BPTF: variants seen among roughly 807,000 people sequenced by gnomAD.
The protein encoded by BPTF is bromodomain PHD finger transcription factor.
BPTF carries 18 observed loss-of-function variants against 292.5 expected under a neutral mutation model. The observed-to-expected ratio is 0.06, with a 90% CI of 0.04 to 0.09. The LOEUF (loss-of-function observed/expected upper bound fraction) is 0.09, where lower values mean the gene tolerates loss of function less well. Among genes scored for constraint, BPTF ranks in the 10% least tolerant of loss-of-function variants. The pLI is 1.00. For missense variants in BPTF, 2,726 were observed against 3,498.7 expected, an observed-to-expected ratio of 0.78 and a Z score of 5.57; for synonymous variants, 1,225 against 1,251.9, an observed-to-expected ratio of 0.98 and a Z score of 0.45.
At chr17:67,880,645 G>T (rs937800587) in intron 4 of BPTF, among the ~76,000 whole-genome samples, 22 of 151,728 alleles carry the variant, frequency 1.4e-4, no homozygotes, top group African/African-American at 4.4e-4. Flanking sequence ...TTGGTTTTTT[G>T]TGTGTGTGTA....
chr17:67,827,068 T>G (rs2056140031), intron 1 of BPTF, among the ~76,000 whole-genome samples: 1 of 152,232 alleles, frequency 6.6e-6, no homozygotes, highest in Non-Finnish European at 1.5e-5. Context: ...GATTCAGAAT[T>G]ATTTTGGTTA....
rs561379442 is a variant in BPTF, at chr17:67,912,699, A to G, written c.4815A>G (p.Val1605=). 1.1e-4 allele frequency: 181 copies of G among 1,614,088 alleles called. 1 individual carries two copies. The Middle Eastern group carries it at 2.6e-3, about 24-fold the overall frequency. ...CAGAATCAAAAACTGTGATCAAGGT[A>G]GAAAAAGGCGATAAGCAAACTGTGG... is the stretch of plus-strand genomic sequence containing the variant. The part of the protein sequence containing the change: ...VATESKTVIK[V]EKGDKQTVVS... Residue 1605 remains valine, a synonymous_variant, in exon 11 of 28, where the codon GTA becomes GTG. Transcript: ENST00000306378.
At chr17:67,828,394 T>C (rs1270031223) in intron 1 of BPTF, among the ~76,000 whole-genome samples, 1 of 152,234 alleles carries the variant, frequency 6.6e-6, no homozygotes. Flanking sequence ...ACAGTTCAGC[T>C]AACTTTAAGT....
In BPTF at chr17:67,912,627, A is replaced by G. The variant is rs779294504; in HGVS notation, c.4743A>G (p.Arg1581=). Residue 1581 remains arginine (R), a synonymous_variant, in exon 11 of 28, where the codon AGA becomes AGG. Coordinates refer to ENST00000306378, the MANE Select transcript of BPTF (RefSeq NM_182641.4). ...AAAATGTCAATGGAGAATCTAAAAGAAAAACCGTCATCACAGAAGTCACCA... is the reference window on the plus strand; with the variant it reads ...AAAATGTCAATGGAGAATCTAAAAGGAAAACCGTCATCACAGAAGTCACCA... The part of the protein sequence containing the change: ...KNENVNGESK[R]KTVITEVTTM... 2 of 1,613,252 alleles carry G rather than the reference A, an allele frequency of 1.2e-6. No homozygotes were observed. Among genetic ancestry groups the G allele is most frequent in the South Asian group, 2.2e-5 (2 of 90,876 alleles).
chr17:67,932,161 G>A (rs2147555854), intron 18 of BPTF, 142 bp downstream of exon 18: 1 of 685,224 alleles, frequency 1.5e-6, no homozygotes, highest in East Asian at 2.9e-5. Flanking sequence ...TCCATTGTGA[G>A]CTCTATTCAT....
chr17:67,867,808 C>T (rs2059476018), intron 3 of BPTF, among the ~76,000 whole-genome samples: 2 of 152,156 alleles, frequency 1.3e-5, no homozygotes, highest in African/African-American at 2.4e-5. Flanking sequence ...GTCCTCGTGA[C>T]TTACCACTGA....
chr17:67,924,841 G>A (rs765326858), intron 15 of BPTF, among the ~76,000 whole-genome samples: 3 of 151,844 alleles, frequency 2.0e-5, no homozygotes, highest in Non-Finnish European at 2.9e-5. Flanking sequence ...ACCGAGCCTC[G>A]ACATCCCTGG....
At chr17:67,933,033 A>C (rs918896076) in intron 18 of BPTF, among the ~76,000 whole-genome samples, 1 of 151,950 alleles carries the variant, frequency 6.6e-6, no homozygotes, top group African/African-American at 2.4e-5. Context: ...AGGCCAGATC[A>C]CCTGAGGTCA....
At chr17:67,867,796 G>A (rs2059475409) in intron 3 of BPTF, among the ~76,000 whole-genome samples, 1 of 152,144 alleles carries the variant, frequency 6.6e-6, no homozygotes, top group Non-Finnish European at 1.5e-5. Flanking sequence ...AGAGTGCATG[G>A]TGTCCTCGTG....
At chr17:67,978,307 TA>T (rs201541445) in intron 27 of BPTF, among the ~76,000 whole-genome samples, 64 of 42,950 alleles carry the variant, frequency 1.5e-3, no homozygotes, top group South Asian at 8.7e-3. Context: ...TATATATATA[TA>T]TTTTTTTTGA....
At chr17:67,835,320 A>T (rs1227081170) in intron 1 of BPTF, among the ~76,000 whole-genome samples, 1 of 152,226 alleles carries the variant, frequency 6.6e-6, no homozygotes, top group East Asian at 1.9e-4. Flanking sequence ...ACACAAATGT[A>T]GAGCATTTGG....
intron 18 of BPTF, among the ~76,000 whole-genome samples, chr17:67,932,386 CA>C (rs2147562670): frequency 6.6e-6 from 1 of 152,312 alleles, no homozygotes; most frequent in African/African-American, 2.4e-5. Context: ...AATGAGAATA[CA>C]TTAAAACTAC....
At chr17:67,956,605 A>G (rs2066962407) in intron 23 of BPTF, 1 of 150,676 alleles carries the variant, frequency 6.6e-6, no homozygotes, top group African/African-American at 2.4e-5. Context: ...GGTGTGAGCC[A>G]CTGTCCTGGA....
intron 18 of BPTF, among the ~76,000 whole-genome samples, chr17:67,935,490 A>G (rs764224641): frequency 7.9e-5 from 12 of 152,200 alleles, no homozygotes; most frequent in Non-Finnish European, 1.6e-4. Flanking sequence ...AATAATTACA[A>G]AACAGAAAAG....
intron 5 of BPTF, among the ~76,000 whole-genome samples, chr17:67,892,771 T>C (rs2061205489): frequency 6.6e-6 from 1 of 152,232 alleles, no homozygotes; most frequent in Admixed American, 6.5e-5. Flanking sequence ...ACTATTTTAC[T>C]TTATGATGTG....
In BPTF at chr17:67,944,132, GT is replaced by G; in HGVS notation, c.6478-16del. 1 of 1,585,896 alleles carries G rather than the reference GT, an allele frequency of 6.3e-7. No homozygotes were observed. Among genetic ancestry groups the G allele is most frequent in the Non-Finnish European group, 8.7e-7 (1 of 1,154,398 alleles). Reference sequence around the variant, plus strand: ...TTGATGCTTTGAACACTGTTTACATGTTGTGTTTTTTCCACAGGGTGGCAAT... The same window carrying G: ...TTGATGCTTTGAACACTGTTTACATGTGTGTTTTTTCCACAGGGTGGCAAT... On this transcript the variant is annotated splice_polypyrimidine_tract_variant and intron_variant, in intron 19 of 27. Transcript: ENST00000306378.
chr17:67,911,374 G>T lies in BPTF; in HGVS notation c.3490G>T (p.Asp1164Tyr). The change falls in exon 11 of 28, where the codon GAT becomes TAT. Residue 1164 changes from aspartate (D) to tyrosine (Y), a missense_variant. Asp to Tyr is a radical substitution (Grantham distance 160). Coordinates refer to ENST00000306378, the MANE Select transcript of BPTF (RefSeq NM_182641.4). ...TACCACAAACAAACTTTATCCAAAA[G>T]ATCGAGTGTTAGATGATGTCTCCAT... The part of the protein sequence containing the change: ...SHTTNKLYPK[D>Y]RVLDDVSIRS... 1 of 1,614,072 alleles carries T rather than the reference G, an allele frequency of 6.2e-7. No individual in the cohort carries two copies. The highest frequency in any genetic ancestry group is 1.1e-5 in the South Asian group (1 of 91,058).
chr17:67,861,253 G>A (rs562058661), intron 2 of BPTF, among the ~76,000 whole-genome samples: 120 of 151,802 alleles, frequency 7.9e-4, no homozygotes, highest in Non-Finnish European at 1.3e-3. Context: ...CTGTCCCTCC[G>A]TGATACAAGC....
At chr17:67,928,103 C>T (rs1182042937) in intron 15 of BPTF, among the ~76,000 whole-genome samples, 1 of 152,068 alleles carries the variant, frequency 6.6e-6, no homozygotes, top group Non-Finnish European at 1.5e-5. Flanking sequence ...AGGCTGGTCT[C>T]GAACTCCTGA....
Sources: allele counts gnomAD v4.1 joint callset (sites outside exome capture counted in the v4.1 genomes callset), GRCh38; gene constraint gnomAD v4.1.1; transcripts MANE v1.5; gene names NCBI Gene and HGNC (gene_info 2026-07-23, HGNC 2026-07-21).